ARF1: variants seen among roughly 807,000 people sequenced by gnomAD.
The protein encoded by ARF1 is ARF GTPase 1.
In ARF1, 1 loss-of-function variant was observed where a neutral mutation model predicts 18.0. The ratio of observed to expected loss-of-function variants is 0.06; its 90% CI spans 0.02 to 0.26. ARF1 has a LOEUF of 0.26. Ranked by LOEUF, ARF1 falls within the 10% of genes least tolerant of loss-of-function variation. The pLI is 1.00. For synonymous variants in ARF1, 112 were observed against 96.3 expected (o/e 1.16, Z -0.95); for missense variants, 73 against 247.2 (o/e 0.30, Z 4.73).
In ARF1 at chr1:228,097,835, A is replaced by G. The variant is rs139664315; in HGVS notation, c.385-17A>G. On this transcript the variant is annotated splice_polypyrimidine_tract_variant and intron_variant, in intron 4 of 4. Transcript: ENST00000272102. The surrounding 1 kb of genome is among the most constrained non-coding windows in gnomAD (Gnocchi z 8.1). ...GTCCTGTGGACAGCCCTTCCCACCA[A>G]CCCTTCCTTCCCCCAGGACCTCCCC... The G allele has an allele frequency of 1.3e-3, 2,152 of 1,609,940 alleles. 17 individuals are homozygous for G. The African/African-American group carries it at 0.025, about 19-fold the overall frequency.
At position 228,098,257 on chromosome 1, in the gene ARF1, A is replaced by G; in HGVS notation, c.*244A>G. ...AATATTACTCAGCTTTTTTTATTGT[A>G]AAAAGAAAAATCAACTCACTGTTCA... On this transcript the variant is annotated 3_prime_UTR_variant, in exon 5 of 5. Coordinates refer to ENST00000272102, the MANE Select transcript of ARF1 (RefSeq NM_001658.4). 2.4e-6 allele frequency: 1 copy of G among 413,374 alleles called. No homozygotes were observed. The highest frequency in any genetic ancestry group is 4.2e-6 in the Non-Finnish European group (1 of 237,018). The allele number at this position is 413,374 out of a possible 1,614,324, so 25.6% of individuals were successfully genotyped here. A position where few individuals can be genotyped will look rare whatever the true frequency, so the allele number is the denominator to read the frequency against.
chr1:228,091,938 T>C (rs372690558), intron 1 of ARF1, among the ~76,000 whole-genome samples: 1 of 152,238 alleles, frequency 6.6e-6, no homozygotes, highest in Non-Finnish European at 1.5e-5. Flanking sequence ...GAACACAGGC[T>C]TTCACGAAAT....
chr1:228,095,192 C>G (rs1328865400), intron 1 of ARF1, among the ~76,000 whole-genome samples: 1 of 150,474 alleles, frequency 6.6e-6, no homozygotes, highest in African/African-American at 2.5e-5. Flanking sequence ...TCTTCAGTCT[C>G]CTGTCTTGGT....
At position 228,089,383 on chromosome 1, in the gene ARF1, G is replaced by A. The variant is rs1049789476; in HGVS notation, c.-38+6618G>A. Among the ~76,000 whole-genome samples the A allele has an allele frequency of 3.3e-5, 5 of 152,204 alleles. No individual in the cohort carries two copies. Among genetic ancestry groups the A allele is most frequent in the Admixed American group, 6.5e-5 (1 of 15,276 alleles). ...CCAGGGTCTGTGGGGGGGCATCCCC[G>A]TCTCTTTACATGTCTGACTGACCAG... On this transcript the variant is annotated intron_variant, in intron 1 of 4. Transcript: ENST00000272102. The surrounding 1 kb of genome is among the most constrained non-coding windows in gnomAD (Gnocchi z 4.1).
intron 1 of ARF1, among the ~76,000 whole-genome samples, chr1:228,088,475 T>C (rs2032475140): frequency 6.6e-6 from 1 of 152,030 alleles, no homozygotes; most frequent in Non-Finnish European, 1.5e-5. Context: ...CTGTCTGACC[T>C]TCATGTAGGG....
rs868155147 is a variant in ARF1 at position 228,089,995 on chromosome 1, C to T, written c.-37-7083C>T. On this transcript the variant is annotated intron_variant, in intron 1 of 4. Transcript: ENST00000272102. The surrounding 1 kb of genome is among the most constrained non-coding windows in gnomAD (Gnocchi z 4.1). ...ACATCAGATAGCTCCGCTACGTGTG[C>T]GCTGACCATGCTGAGATGGGCACTG... Among the ~76,000 whole-genome samples, 4 of 152,250 alleles carry T rather than the reference C, an allele frequency of 2.6e-5. No individual in the cohort carries two copies. The highest frequency in any genetic ancestry group is 5.9e-5 in the Non-Finnish European group (4 of 68,048).
In ARF1 at chr1:228,097,359, G is replaced by A; in HGVS notation, c.166G>A (p.Val56Met). 1.2e-6 allele frequency: 2 copies of A among 1,614,168 alleles called. No individual in the cohort carries two copies. The highest frequency in any genetic ancestry group is 1.7e-6 in the Non-Finnish European group (2 of 1,180,014). ...IPTIGFNVET[V>M]EYKNISFTVW... ...GCACCCAGGCTTCAACGTGGAAACC[G>A]TGGAGTACAAGAACATCAGCTTCAC... Residue 56 changes from valine (V) to methionine (M), a missense_variant, in exon 3 of 5, where the codon GTG (valine) becomes ATG (methionine). Physicochemically the swap from Val to Met is conservative, Grantham distance 21. Around this residue, in one of 3 missense-constraint regions of ARF1, gnomAD observed 12 missense variants for 85.3 expected, o/e 0.14. Coordinates refer to ENST00000272102, the MANE Select transcript of ARF1 (RefSeq NM_001658.4). This position sits in a 1 kb window ranked among gnomAD's most constrained non-coding sequence, Gnocchi z 8.1.
chr1:228,092,453 G>A (rs984162880), intron 1 of ARF1, among the ~76,000 whole-genome samples: 2 of 152,186 alleles, frequency 1.3e-5, no homozygotes, highest in African/African-American at 4.8e-5. Context: ...GTCTCAAAAA[G>A]AGAACTCTCG....
intron 1 of ARF1, chr1:228,083,170 G>GATT (rs2032273658): frequency 6.6e-6 from 1 of 152,238 alleles, no homozygotes; most frequent in Non-Finnish European, 1.5e-5. Context: ...GGACGGTTGG[G>GATT]ATTAGCGGCC....
rs182794534 is a variant in ARF1 at position 228,092,333 on chromosome 1, T to C, written c.-37-4745T>C. On this transcript the variant is annotated intron_variant, in intron 1 of 4. Coordinates refer to ENST00000272102, the MANE Select transcript of ARF1 (RefSeq NM_001658.4). ...CATGGTGGCTTGCCCTTGCATTCCC[T>C]GCCACTTGGGAGGCTGAGGTGGGAG... 9.2e-4 allele frequency among the ~76,000 whole-genome samples: 140 copies of C among 152,256 alleles called. 2 individuals are homozygous for C. The East Asian group carries it at 0.015, about 16-fold the overall frequency.
At chr1:228,095,220 CT>C (rs2124853931) in intron 1 of ARF1, among the ~76,000 whole-genome samples, 1 of 115,798 alleles carries the variant, frequency 8.6e-6, no homozygotes, top group African/African-American at 3.4e-5. Flanking sequence ...TTGCAGATTC[CT>C]TTTATATTTG....
At chr1:228,092,920 T>C (rs1318440655) in intron 1 of ARF1, among the ~76,000 whole-genome samples, 1 of 152,146 alleles carries the variant, frequency 6.6e-6, no homozygotes, top group Non-Finnish European at 1.5e-5. Context: ...GCTGCCAGAG[T>C]TGACTGTCCC....
At chr1:228,086,530 GAAAA>G (rs896987251) in intron 1 of ARF1, among the ~76,000 whole-genome samples, 1 of 149,706 alleles carries the variant, frequency 6.7e-6, no homozygotes, top group Non-Finnish European at 1.5e-5. Flanking sequence ...AAAAAAAAAA[GAAAA>G]AAAAGAAACA....
intron 1 of ARF1, 120 bp from the exon 2 acceptor site, chr1:228,096,958 T>C: frequency 1.1e-6 from 1 of 921,454 alleles, no homozygotes; most frequent in Non-Finnish European, 1.6e-6. Flanking sequence ...GCTCTTTCCC[T>C]GTTTCCCTGC....
chr1:228,094,647 C>T (rs1020027041), intron 1 of ARF1, among the ~76,000 whole-genome samples: 2 of 152,114 alleles, frequency 1.3e-5, no homozygotes, highest in African/African-American at 4.8e-5. Flanking sequence ...GCTGCTCTCT[C>T]TCCACGTTGC....
At chr1:228,090,042 G>A (rs963203380) in intron 1 of ARF1, among the ~76,000 whole-genome samples, 1 of 152,258 alleles carries the variant, frequency 6.6e-6, no homozygotes, top group African/African-American at 2.4e-5. Flanking sequence ...TCTGGTCATT[G>A]CTGGAACCAG....
intron 1 of ARF1, among the ~76,000 whole-genome samples, chr1:228,094,581 A>G (rs1027643265): frequency 2.6e-5 from 4 of 151,930 alleles, no homozygotes; most frequent in Non-Finnish European, 4.4e-5. Flanking sequence ...TTCCTGCTCC[A>G]GTCTGAGGGG....
chr1:228,095,586 C>T (rs1197696077), intron 1 of ARF1, among the ~76,000 whole-genome samples: 2 of 152,210 alleles, frequency 1.3e-5, no homozygotes, highest in South Asian at 2.1e-4. Context: ...TGGTCCAAGA[C>T]AATTCTTCTT....
rs532960010 is a variant in ARF1, at chr1:228,084,152, C to T, written c.-38+1387C>T. 2.0e-5 allele frequency among the ~76,000 whole-genome samples: 3 copies of T among 152,324 alleles called. No individual in the cohort carries two copies. The South Asian group carries it at 6.2e-4, about 32-fold the overall frequency. On this transcript the variant is annotated intron_variant, in intron 1 of 4. Transcript: ENST00000272102. ...CTGTTGCGTTAGCCATTGTCTAACACGTGTGACCGCATGGATGGTGTCCTC... is the reference window on the plus strand; with the variant it reads ...CTGTTGCGTTAGCCATTGTCTAACATGTGTGACCGCATGGATGGTGTCCTC...
Sources: gnomAD v4.1 joint callset for allele counts (sites outside exome capture counted in the v4.1 genomes callset) on GRCh38, gnomAD v4.1.1 for gene constraint, gnomAD v4.1.1 regional missense constraint, Gnocchi (gnomAD v3.1) non-coding constraint, MANE v1.5 for transcripts, NCBI Gene and HGNC (gene_info 2026-07-23, HGNC 2026-07-21) for gene names.